CDS1: variants seen among roughly 807,000 people sequenced by gnomAD.
CDS1 encodes the protein CDP-diacylglycerol synthase 1.
Under a neutral mutation model 62.1 loss-of-function variants are expected in CDS1, and 41 were observed. The observed-to-expected ratio is 0.66, with a 90% CI of 0.51 to 0.86. The LOEUF (loss-of-function observed/expected upper bound fraction) is 0.86, where lower values mean the gene tolerates loss of function less well. Among genes scored for constraint, CDS1 ranks in the 40% least tolerant of loss-of-function variants. CDS1 has a pLI of 0.00. For missense variants in CDS1, 470 were observed against 550.1 expected, an observed-to-expected ratio of 0.85 and a Z score of 1.46; for synonymous variants, 185 against 192.6, an observed-to-expected ratio of 0.96 and a Z score of 0.32.
At chr4:84,623,309 G>A (rs997415729) in intron 5 of CDS1, among the ~76,000 whole-genome samples, 5 of 152,180 alleles carry the variant, frequency 3.3e-5, no homozygotes, top group African/African-American at 9.6e-5. Flanking sequence ...TTATGTTTGT[G>A]CATTTCTAAA....
At chr4:84,610,064 T>C (rs1723270559) in intron 3 of CDS1, among the ~76,000 whole-genome samples, 3 of 151,922 alleles carry the variant, frequency 2.0e-5, no homozygotes, top group Non-Finnish European at 4.4e-5. Context: ...CATATGACTA[T>C]TAGCTAGATC....
intron 5 of CDS1, among the ~76,000 whole-genome samples, chr4:84,626,176 C>A (rs1013259475): frequency 2.0e-5 from 3 of 151,652 alleles, no homozygotes; most frequent in Non-Finnish European, 2.9e-5. Context: ...TCAAAAAAAA[C>A]AAACAAACAA....
At chr4:84,603,441 G>A (rs532346860) in intron 1 of CDS1, among the ~76,000 whole-genome samples, 47 of 152,300 alleles carry the variant, frequency 3.1e-4, no homozygotes, top group Admixed American at 1.2e-3. Flanking sequence ...GGCCTGAGGC[G>A]GGAGAGGTTG....
rs141056789 is a variant in CDS1 at position 84,630,241 on chromosome 4, ATC to A, written c.581-1565_581-1564del. 7.0e-3 allele frequency among the ~76,000 whole-genome samples: 1,065 copies of A among 151,972 alleles called. 12 individuals are homozygous for A. Among genetic ancestry groups the A allele is most frequent in the African/African-American group, 0.024 (1,002 of 41,462 alleles). ...GATGCCATTAATTTCATGTTTTAGTATCTCTCTCTCTCTCATTCTTTCTCTCT... is the reference window on the plus strand; with the variant it reads ...GATGCCATTAATTTCATGTTTTAGTATCTCTCTCTCTCATTCTTTCTCTCT... On this transcript the variant is annotated intron_variant, in intron 5 of 12. Coordinates refer to ENST00000295887, the MANE Select transcript of CDS1 (RefSeq NM_001263.4).
intron 3 of CDS1, among the ~76,000 whole-genome samples, chr4:84,612,598 G>C: frequency 6.6e-6 from 1 of 151,988 alleles, no homozygotes; most frequent in East Asian, 1.9e-4. Context: ...CGGTACTTGA[G>C]TTTTTTTGTT....
intron 5 of CDS1, among the ~76,000 whole-genome samples, chr4:84,629,216 T>C (rs1723946154): frequency 6.6e-6 from 1 of 152,136 alleles, no homozygotes; most frequent in South Asian, 2.1e-4. Flanking sequence ...AATATATCCA[T>C]ATAGTTGTGA....
chr4:84,616,252 A>G (rs548388632), intron 3 of CDS1, among the ~76,000 whole-genome samples: 4 of 152,352 alleles, frequency 2.6e-5, no homozygotes, highest in East Asian at 1.9e-4. Context: ...TCCTGTCTTT[A>G]TAACACATTT....
intron 8 of CDS1, among the ~76,000 whole-genome samples, chr4:84,638,599 A>G (rs538777566): frequency 6.6e-6 from 1 of 152,296 alleles, no homozygotes; most frequent in African/African-American, 2.4e-5. Flanking sequence ...TATTAGCATA[A>G]GAGTCATGGG....
chr4:84,598,395 C>CTTTTT, intron 1 of CDS1, among the ~76,000 whole-genome samples: 1 of 149,546 alleles, frequency 6.7e-6, no homozygotes, highest in Admixed American at 6.6e-5. Context: ...TTCTAACTCA[C>CTTTTT]TTTTTTTCTT....
chr4:84,624,763 A>G (rs1383431269), intron 5 of CDS1, among the ~76,000 whole-genome samples: 1 of 152,032 alleles, frequency 6.6e-6, no homozygotes, highest in Non-Finnish European at 1.5e-5. Context: ...TTCTTTTTAT[A>G]TATTTTGTCT....
intron 5 of CDS1, among the ~76,000 whole-genome samples, chr4:84,628,566 T>G (rs1723925832): frequency 6.6e-6 from 1 of 152,172 alleles, no homozygotes; most frequent in Non-Finnish European, 1.5e-5. Context: ...GGTGACTTGC[T>G]TTGTGGTCCA....
At chr4:84,634,745 T>C (rs1489945940) in intron 7 of CDS1, among the ~76,000 whole-genome samples, 1 of 152,146 alleles carries the variant, frequency 6.6e-6, no homozygotes, top group Non-Finnish European at 1.5e-5. Flanking sequence ...AGACTTTTCA[T>C]TGATGGGGCA....
intron 8 of CDS1, among the ~76,000 whole-genome samples, chr4:84,636,848 T>G (rs1724228663): frequency 6.6e-6 from 1 of 152,106 alleles, no homozygotes; most frequent in African/African-American, 2.4e-5. Flanking sequence ...CATGTTGGAG[T>G]TTCAGATAAG....
intron 3 of CDS1, among the ~76,000 whole-genome samples, chr4:84,613,180 G>A (rs1723380930): frequency 6.6e-6 from 1 of 151,862 alleles, no homozygotes; most frequent in South Asian, 2.1e-4. Context: ...ATTACTTTAT[G>A]TGTTTTAAAA....
At chr4:84,623,529 A>T (rs1167995268) in intron 5 of CDS1, among the ~76,000 whole-genome samples, 1 of 152,070 alleles carries the variant, frequency 6.6e-6, no homozygotes, top group East Asian at 1.9e-4. Context: ...TAGCTTCCAA[A>T]TTTTGTAGAC....
chr4:84,615,639 C>T (rs759662903), intron 3 of CDS1, among the ~76,000 whole-genome samples: 2 of 152,156 alleles, frequency 1.3e-5, no homozygotes, highest in South Asian at 4.2e-4. Context: ...GCCTATTTCA[C>T]ATGGGTTGTA....
intron 5 of CDS1, among the ~76,000 whole-genome samples, chr4:84,629,099 T>C (rs1338542634): frequency 1.3e-5 from 2 of 152,212 alleles, no homozygotes; most frequent in Admixed American, 6.5e-5. Flanking sequence ...CAAGCATTCT[T>C]TGTTAATCAG....
At chr4:84,600,068 C>T (rs1188482158) in intron 1 of CDS1, among the ~76,000 whole-genome samples, 3 of 152,146 alleles carry the variant, frequency 2.0e-5, no homozygotes, top group African/African-American at 7.2e-5. Flanking sequence ...TAAAATTTCA[C>T]CCATTCTGAT....
At chr4:84,645,800 G>A (rs926672972) in intron 12 of CDS1, among the ~76,000 whole-genome samples, 1 of 152,158 alleles carries the variant, frequency 6.6e-6, no homozygotes, top group African/African-American at 2.4e-5. Context: ...AAGAAAGAAT[G>A]ATGAGAAAGA....
Sources: allele counts gnomAD v4.1 joint callset (sites outside exome capture counted in the v4.1 genomes callset), GRCh38; gene constraint gnomAD v4.1.1; transcripts MANE v1.5; gene names NCBI Gene and HGNC (gene_info 2026-07-23, HGNC 2026-07-21).